Variants in PC observed in about 807,000 individuals in gnomAD.
PC encodes the protein pyruvate carboxylase, also known as pyruvate carboxylase, mitochondrial.
Under a neutral mutation model 107.8 loss-of-function variants are expected in PC, and 46 were observed. The ratio of observed to expected loss-of-function variants is 0.43; its 90% CI spans 0.34 to 0.55. PC has a LOEUF of 0.55. Ranked by LOEUF, PC falls within the 20% of genes least tolerant of loss-of-function variation. The pLI, the probability that PC is intolerant of heterozygous loss-of-function variation, is 0.04. For synonymous variants in PC, 662 were observed against 684.7 expected (o/e 0.97, Z 0.52); for missense variants, 1,241 against 1,643.1 (o/e 0.76, Z 4.23).
chr11:66,899,141 A>G (rs1947863160), intron 3 of PC, among the ~76,000 whole-genome samples: 1 of 152,274 alleles, frequency 6.6e-6, no homozygotes, highest in Admixed American at 6.5e-5. Context: ...AAGTGCTGGG[A>G]TTACAGGGGT....
rs565550354 is a variant in PC at position 66,918,746 on chromosome 11, A to G, written c.-1+33684T>C. On this transcript the variant is annotated intron_variant, in intron 3 of 22. Coordinates refer to ENST00000393960, the MANE Select transcript of PC (RefSeq NM_001040716.2). ...GATAAGTAGGGAGATAAGAGGCAGA[A>G]GAATAAATAAAAGGCTTCCTCACCC... Among the ~76,000 whole-genome samples, 4 of 152,246 alleles carry G rather than the reference A, an allele frequency of 2.6e-5. No homozygotes were observed. In the South Asian group the frequency reaches 6.2e-4, roughly 24 times the overall value.
At chr11:66,923,425 CAT>C (rs1948640855) in intron 3 of PC, among the ~76,000 whole-genome samples, 1 of 151,124 alleles carries the variant, frequency 6.6e-6, no homozygotes, top group Non-Finnish European at 1.5e-5. Context: ...AGCTCCACCA[CAT>C]GACACAGGGA....
chr11:66,926,187 C>T (rs1202367164), intron 3 of PC, among the ~76,000 whole-genome samples: 3 of 152,150 alleles, frequency 2.0e-5, no homozygotes, highest in Non-Finnish European at 4.4e-5. Flanking sequence ...TCAGAAAAGG[C>T]AAGCAAACTA....
chr11:66,920,059 C>T (rs993501978), intron 3 of PC, among the ~76,000 whole-genome samples: 1 of 152,158 alleles, frequency 6.6e-6, no homozygotes, highest in African/African-American at 2.4e-5. Flanking sequence ...GGACTCAGAA[C>T]AAGGCTGGCT....
At chr11:66,903,826 A>T (rs1948061025) in intron 3 of PC, among the ~76,000 whole-genome samples, 5 of 131,988 alleles carry the variant, frequency 3.8e-5, no homozygotes. Flanking sequence ...ACATATATAC[A>T]TTTTTTTTTT....
intron 3 of PC, among the ~76,000 whole-genome samples, chr11:66,944,236 G>A (rs1423675723): frequency 1.7e-5 from 2 of 115,636 alleles, no homozygotes; most frequent in African/African-American, 6.2e-5. Context: ...AGCCGAGATT[G>A]CACCACTGCA....
At position 66,859,142 on chromosome 11, in the gene PC, C is replaced by T. The variant is rs201055238; in HGVS notation, c.1368+4632G>A. Reference sequence around the variant, plus strand: ...GGCTGCACTCCCGGCGCCCTTCCTCCGCCCTCTGCTCCCCACAAGGCTTTG... The same window carrying T: ...GGCTGCACTCCCGGCGCCCTTCCTCTGCCCTCTGCTCCCCACAAGGCTTTG... On this transcript the variant is annotated intron_variant, in intron 12 of 22. Transcript: ENST00000393960. The T allele has an allele frequency of 5.5e-5, 81 of 1,471,846 alleles. 2 individuals carry two copies. In the East Asian group the frequency reaches 6.2e-4, roughly 11 times the overall value. 91.2% of individuals were successfully genotyped at this position (1,471,846 alleles called of 1,614,324 possible). A position where few individuals can be genotyped will look rare whatever the true frequency, so the allele number is the denominator to read the frequency against.
In PC at chr11:66,868,854, C is replaced by A; in HGVS notation, c.1014G>T (p.Glu338Asp). ...RLQVEHTVTE[E>D]ITDVDLVHAQ... ...TGCCCGCCCACACTCACTCGGTGAT[C>A]TCCTCTGTGACCGTGTGCTCCACCT... Residue 338 changes from glutamate (E) to aspartate (D), a missense_variant, in exon 10 of 23, where the codon GAG (glutamate) becomes GAT (aspartate). Glu to Asp is a conservative substitution (Grantham distance 45). This residue lies in a region of PC where 1,143 missense variants were observed against 1,551.9 expected (regional missense o/e 0.74). Coordinates refer to ENST00000393960, the MANE Select transcript of PC (RefSeq NM_001040716.2). 1 of 1,612,320 alleles carries A rather than the reference C, an allele frequency of 6.2e-7. No individual in the cohort carries two copies. The highest frequency in any genetic ancestry group is 8.5e-7 in the Non-Finnish European group (1 of 1,178,654).
intron 3 of PC, among the ~76,000 whole-genome samples, chr11:66,923,014 C>A (rs139679489): frequency 6.6e-6 from 1 of 152,184 alleles, no homozygotes; most frequent in Non-Finnish European, 1.5e-5. Context: ...CATCTTGAGG[C>A]GTGCTGAGCA....
chr11:66,900,116 C>A (rs1294360659), intron 3 of PC, among the ~76,000 whole-genome samples: 2 of 151,032 alleles, frequency 1.3e-5, no homozygotes, highest in East Asian at 3.9e-4. Flanking sequence ...TATGTCTATC[C>A]TTACACCAGT....
At position 66,868,865 on chromosome 11, in the gene PC, C is replaced by T. The variant is rs768230282; in HGVS notation, c.1003G>A (p.Val335Ile). Residue 335 changes from valine (V) to isoleucine (I), a missense_variant, in exon 10 of 23, where the codon GTC becomes ATC. Val to Ile is a conservative substitution (Grantham distance 29). Coordinates refer to ENST00000393960, the MANE Select transcript of PC (RefSeq NM_001040716.2). Reference protein sequence around the residue: ...VNSRLQVEHTVTEEITDVDLV... With the variant: ...VNSRLQVEHTITEEITDVDLV... ...ACTCACTCGGTGATCTCCTCTGTGA[C>T]CGTGTGCTCCACCTGCAGGCGGGAG... 3.1e-6 allele frequency: 5 copies of T among 1,613,268 alleles called. No homozygotes were observed. Among genetic ancestry groups the T allele is most frequent in the African/African-American group, 1.3e-5 (1 of 74,920 alleles).
At chr11:66,854,705 A>G (rs940502438) in intron 12 of PC, among the ~76,000 whole-genome samples, 1 of 151,916 alleles carries the variant, frequency 6.6e-6, no homozygotes, top group Non-Finnish European at 1.5e-5. Flanking sequence ...ACAGGGACTC[A>G]AGGCCACCCA....
intron 3 of PC, among the ~76,000 whole-genome samples, chr11:66,882,293 G>A (rs866504656): frequency 2.6e-5 from 4 of 152,182 alleles, no homozygotes; most frequent in Admixed American, 6.5e-5. Flanking sequence ...AGGGCAGGGC[G>A]CCACCTAAGA....
At chr11:66,882,840 A>C (rs989419672) in intron 3 of PC, among the ~76,000 whole-genome samples, 1 of 150,914 alleles carries the variant, frequency 6.6e-6, no homozygotes, top group South Asian at 2.2e-4. Flanking sequence ...CAGATGAAAG[A>C]ACGACTCCAC....
chr11:66,888,829 A>C (rs1947464192), intron 3 of PC, among the ~76,000 whole-genome samples: 1 of 152,110 alleles, frequency 6.6e-6, no homozygotes, highest in South Asian at 2.1e-4. Flanking sequence ...TAATCCCAGC[A>C]CTCTGGGAGG....
intron 3 of PC, among the ~76,000 whole-genome samples, chr11:66,945,102 G>C (rs1420281985): frequency 8.5e-6 from 1 of 117,296 alleles, no homozygotes; most frequent in African/African-American, 3.1e-5. Flanking sequence ...ACTGGTTCCA[G>C]ATGCTATAAT....
At chr11:66,868,743 G>T in intron 10 of PC, 103 bp downstream of exon 10, 1 of 833,204 alleles carries the variant, frequency 1.2e-6, no homozygotes, top group Non-Finnish European at 2.1e-6. Flanking sequence ...ACCAATGTGG[G>T]GAGTGAGCAA....
chr11:66,921,971 C>T (rs1222636064), intron 3 of PC, among the ~76,000 whole-genome samples: 1 of 152,180 alleles, frequency 6.6e-6, no homozygotes, highest in African/African-American at 2.4e-5. Flanking sequence ...TGACATCACT[C>T]GCAAGGAGTT....
At chr11:66,941,538 C>T (rs993900527) in intron 3 of PC, among the ~76,000 whole-genome samples, 7 of 152,126 alleles carry the variant, frequency 4.6e-5, no homozygotes, top group African/African-American at 1.7e-4. Context: ...GTCGCCCAGG[C>T]TGGAGTGCAG....
Sources: allele counts gnomAD v4.1 joint callset (sites outside exome capture counted in the v4.1 genomes callset), GRCh38; gene constraint gnomAD v4.1.1; regional missense constraint gnomAD v4.1.1; transcripts MANE v1.5; gene names NCBI Gene and HGNC (gene_info 2026-07-23, HGNC 2026-07-21).